The following CDC42BPA variants were observed in gnomAD, a reference collection of about 807,000 sequenced individuals.
The protein encoded by CDC42BPA is CDC42 binding protein kinase alpha.
In CDC42BPA, 80 loss-of-function variants were observed where a neutral mutation model predicts 223.5. The observed-to-expected ratio is 0.36, with a 90% CI of 0.30 to 0.43. The LOEUF (loss-of-function observed/expected upper bound fraction) is 0.43. Among genes scored for constraint, CDC42BPA ranks in the 20% least tolerant of loss-of-function variants. The pLI is 1.00. For synonymous variants in CDC42BPA, 694 were observed against 718.6 expected (o/e 0.97, Z 0.55); for missense variants, 1,743 against 2,099.9 (o/e 0.83, Z 3.32).
At chr1:227,100,232 G>A (rs946973191) in intron 15 of CDC42BPA, among the ~76,000 whole-genome samples, 4 of 152,058 alleles carry the variant, frequency 2.6e-5, no homozygotes, top group African/African-American at 9.7e-5. Context: ...ATCACCACCT[G>A]AGGCCCACAC....
chr1:227,137,208 C>T (rs1252578389), intron 10 of CDC42BPA, among the ~76,000 whole-genome samples: 3 of 152,000 alleles, frequency 2.0e-5, no homozygotes, highest in Non-Finnish European at 2.9e-5. Flanking sequence ...GCAAGAACCT[C>T]GAACCAAAAC....
At chr1:227,275,835 C>G (rs912315078) in intron 1 of CDC42BPA, among the ~76,000 whole-genome samples, 1 of 152,224 alleles carries the variant, frequency 6.6e-6, no homozygotes, top group Non-Finnish European at 1.5e-5. Flanking sequence ...AGCTCCTAAC[C>G]GCGAGTGATC....
intron 5 of CDC42BPA, among the ~76,000 whole-genome samples, chr1:227,192,652 TG>T (rs1669909173): frequency 6.6e-6 from 1 of 152,232 alleles, no homozygotes; most frequent in Admixed American, 6.5e-5. Context: ...CCTCTTAAAA[TG>T]TGAGGGTACC....
intron 6 of CDC42BPA, among the ~76,000 whole-genome samples, chr1:227,154,473 T>C (rs1231027038): frequency 6.6e-6 from 1 of 151,916 alleles, no homozygotes; most frequent in Non-Finnish European, 1.5e-5. Context: ...ATATGAAAAA[T>C]CTAGAAGAAT....
chr1:227,204,917 CA>C (rs1052349584), intron 3 of CDC42BPA, among the ~76,000 whole-genome samples: 22 of 151,150 alleles, frequency 1.5e-4, no homozygotes, highest in African/African-American at 5.3e-4. Flanking sequence ...AATAAGGAAA[CA>C]ATCTAAATTC....
intron 2 of CDC42BPA, among the ~76,000 whole-genome samples, chr1:227,238,141 C>G (rs1241662692): frequency 6.6e-6 from 1 of 150,960 alleles, no homozygotes; most frequent in Non-Finnish European, 1.5e-5. Context: ...TCACTTGAGG[C>G]CAGGAGTTCA....
chr1:227,004,276 A>G (rs1418078205), intron 35 of CDC42BPA: 1 of 152,190 alleles, frequency 6.6e-6, no homozygotes, highest in African/African-American at 2.4e-5. Context: ...AGAATCTACC[A>G]TCTTCTCTCC....
intron 3 of CDC42BPA, among the ~76,000 whole-genome samples, chr1:227,212,559 G>A (rs1192248115): frequency 6.6e-6 from 1 of 151,982 alleles, no homozygotes; most frequent in Non-Finnish European, 1.5e-5. Context: ...ATCTATGTGT[G>A]ACAGCAGTTC....
At chr1:227,118,017 C>G (rs1004257303) in intron 12 of CDC42BPA, among the ~76,000 whole-genome samples, 6 of 152,170 alleles carry the variant, frequency 3.9e-5, no homozygotes, top group Non-Finnish European at 7.3e-5. Context: ...TGTGAAGATA[C>G]TTGACCTCAT....
chr1:227,162,866 ATATG>A, intron 5 of CDC42BPA, among the ~76,000 whole-genome samples: 1 of 127,272 alleles, frequency 7.9e-6, no homozygotes, highest in African/African-American at 2.8e-5. Context: ...AAATAAATAT[ATATG>A]TGTGTGTGTG....
intron 2 of CDC42BPA, among the ~76,000 whole-genome samples, chr1:227,239,337 C>T (rs1679631822): frequency 6.6e-6 from 1 of 152,168 alleles, no homozygotes. Flanking sequence ...TTTGATACTA[C>T]AATGGCAGAT....
In CDC42BPA at chr1:227,074,245, T is replaced by C. The variant is rs777772319; in HGVS notation, c.2586+14A>G. 2 of 1,574,600 alleles carry C rather than the reference T, an allele frequency of 1.3e-6. No individual in the cohort carries two copies. The highest frequency in any genetic ancestry group is 2.2e-5 in the East Asian group (1 of 44,684). Reference sequence around the variant, plus strand: ...TAATATGATAAGCCTCCATGCAAAATCATAGAAGCTTACTGTTGCTCGTGT... The same window carrying C: ...TAATATGATAAGCCTCCATGCAAAACCATAGAAGCTTACTGTTGCTCGTGT... On this transcript the variant is annotated intron_variant, in intron 18 of 36. Transcript: ENST00000366766.
chr1:227,058,875 T>C (rs1373947441), intron 21 of CDC42BPA, among the ~76,000 whole-genome samples: 2 of 146,958 alleles, frequency 1.4e-5, no homozygotes, highest in Non-Finnish European at 3.0e-5. Flanking sequence ...TGAACTACAT[T>C]AAAAAAAAAA....
intron 6 of CDC42BPA, among the ~76,000 whole-genome samples, chr1:227,156,160 T>G (rs1341159817): frequency 6.6e-6 from 1 of 151,224 alleles, no homozygotes; most frequent in African/African-American, 2.4e-5. Context: ...TTTTATTTAT[T>G]TATTTTTCTG....
intron 5 of CDC42BPA, among the ~76,000 whole-genome samples, chr1:227,187,484 GA>G (rs56401083): frequency 0.047 from 6,465 of 138,310 alleles, 125 homozygotes; most frequent in Non-Finnish European, 0.056. Context: ...GAGAAGACTG[GA>G]AAAAAAAAAA....
intron 1 of CDC42BPA, among the ~76,000 whole-genome samples, chr1:227,309,680 T>G (rs1356701819): frequency 6.6e-6 from 1 of 152,220 alleles, no homozygotes; most frequent in Non-Finnish European, 1.5e-5. Flanking sequence ...ACATCTACAG[T>G]AATGAAAGCT....
At chr1:227,196,340 T>TTTTTTTTTTTTTTTCTTTTTTTG (rs1670705343) in intron 4 of CDC42BPA, among the ~76,000 whole-genome samples, 1 of 126,458 alleles carries the variant, frequency 7.9e-6, no homozygotes, top group Non-Finnish European at 1.7e-5. Flanking sequence ...AAACAATACT[T>TTTTTTTTTTTTTTTCTTTTTTTG]TTTTTTTTTT....
At chr1:227,100,788 T>C (rs940454970) in intron 15 of CDC42BPA, among the ~76,000 whole-genome samples, 1 of 81,092 alleles carries the variant, frequency 1.2e-5, no homozygotes, top group Admixed American at 1.2e-4. Context: ...GCGTGTGCCA[T>C]CATACCCAGC....
At chr1:227,175,035 ATTT>A (rs200885439) in intron 5 of CDC42BPA, among the ~76,000 whole-genome samples, 1,634 of 152,228 alleles carry the variant, frequency 0.011, 33 homozygotes, top group African/African-American at 0.037. Context: ...TCTGCCATTG[ATTT>A]ATTGCATGCA....
Sources: gnomAD v4.1 joint callset for allele counts (sites outside exome capture counted in the v4.1 genomes callset) on GRCh38, gnomAD v4.1.1 for gene constraint, MANE v1.5 for transcripts, NCBI Gene and HGNC (gene_info 2026-07-23, HGNC 2026-07-21) for gene names.